ZNF136: variants seen among roughly 807,000 people sequenced by gnomAD.
ZNF136 encodes the protein zinc finger protein 136, also known as zinc finger protein 136 (clone pHZ-20).
ZNF136 carries 8 observed loss-of-function variants against 11.4 expected under a neutral mutation model. The ratio of observed to expected loss-of-function variants is 0.70; its 90% confidence interval spans 0.41 to 1.27. ZNF136 has a LOEUF of 1.27. Among genes scored for constraint, ZNF136 ranks in the 50% most tolerant of loss-of-function variants. ZNF136 has a pLI of 0.01. For missense variants in ZNF136, 590 were observed against 656.5 expected, an observed-to-expected ratio of 0.90 and a Z score of 1.11; for synonymous variants, 190 against 207.1, an observed-to-expected ratio of 0.92 and a Z score of 0.71.
chr19:12,168,622 G>A (rs1459508412), intron 1 of ZNF136, among the ~76,000 whole-genome samples: 1 of 151,990 alleles, frequency 6.6e-6, no homozygotes, highest in Admixed American at 6.6e-5. Flanking sequence ...GGGCCTTCCA[G>A]GGGACCCCCA....
Position 12,186,845 on chromosome 19 carries a change from G to A in ZNF136, c.467G>A (p.Arg156Gln), listed in dbSNP as rs1219761759. ...WKPFSSHHSF[R>Q]THEIIHTGEK... Reference sequence around the variant, plus strand: ...CCCTTCAGTTCTCACCACTCCTTTCGAACACATGAGATAATTCACACTGGA... The same window carrying A: ...CCCTTCAGTTCTCACCACTCCTTTCAAACACATGAGATAATTCACACTGGA... The change falls in exon 4 of 4, where the codon CGA becomes CAA. Residue 156 changes from arginine to glutamine, a missense_variant. By Grantham distance (43) the Arg-to-Gln change is conservative (BLOSUM62 1). Transcript: ENST00000343979. The A allele has an allele frequency of 3.1e-6, 5 of 1,614,032 alleles. No homozygotes were observed. The highest frequency in any genetic ancestry group is 2.5e-6 in the Non-Finnish European group (3 of 1,179,984).
chr19:12,173,050 A>G (rs1358958888), intron 1 of ZNF136, among the ~76,000 whole-genome samples: 1 of 152,098 alleles, frequency 6.6e-6, no homozygotes, highest in Non-Finnish European at 1.5e-5. Context: ...GGAGAGTAGC[A>G]TGTCTTGTAG....
In ZNF136 at chr19:12,189,098, T is replaced by C. The variant is rs1005848338; in HGVS notation, c.*1097T>C. The C allele has an allele frequency of 2.0e-5, 3 of 152,206 alleles. No homozygotes were observed. The highest frequency in any genetic ancestry group is 2.9e-5 in the Non-Finnish European group (2 of 68,028). 9.4% of individuals were successfully genotyped at this position (152,206 alleles called of 1,614,324 possible). A position where few individuals can be genotyped will look rare whatever the true frequency, so the allele number is the denominator to read the frequency against. ...TTGTTTTAGGTCAGTAAATAAAATA[T>C]TTGTCTTTCCATTTTGAAATGTGTT... is the stretch of plus-strand genomic sequence containing the variant. On this transcript the variant is annotated 3_prime_UTR_variant, in exon 4 of 4. Coordinates refer to ENST00000343979, the MANE Select transcript of ZNF136 (RefSeq NM_003437.5).
At chr19:12,184,752 G>C (rs571956694) in intron 1 of ZNF136, 1 of 152,108 alleles carries the variant, frequency 6.6e-6, no homozygotes, top group Non-Finnish European at 1.5e-5. Flanking sequence ...GGGCTCATCA[G>C]GTGGGCACTA....
Position 12,187,537 on chromosome 19 carries a change from A to C in ZNF136, c.1159A>C (p.Thr387Pro). 1 of 1,613,918 alleles carries C rather than the reference A, an allele frequency of 6.2e-7. No individual in the cohort carries two copies. The highest frequency in any genetic ancestry group is 8.5e-7 in the Non-Finnish European group (1 of 1,179,958). Residue 387 changes from threonine (T) to proline (P), a missense_variant, in exon 4 of 4, where the codon ACT becomes CCT. Coordinates refer to ENST00000343979, the MANE Select transcript of ZNF136 (RefSeq NM_003437.5). ...PSMRRHMIKHTGEGPYKCKVC... is the reference protein window; with the variant it reads ...PSMRRHMIKHPGEGPYKCKVC... ...TATGCGAAGACACATGATAAAACATACTGGAGAAGGACCTTATAAATGTAA... is the reference window on the plus strand; with the variant it reads ...TATGCGAAGACACATGATAAAACATCCTGGAGAAGGACCTTATAAATGTAA...
chr19:12,187,751 G>A lies in ZNF136; in HGVS notation c.1373G>A (p.Ser458Asn). The A allele has an allele frequency of 3.7e-6, 6 of 1,613,240 alleles. No individual in the cohort carries two copies. Among genetic ancestry groups the A allele is most frequent in the Non-Finnish European group, 5.1e-6 (6 of 1,179,820 alleles). ...TGTAAGCAATGTGGGAAAGCCTTCA[G>A]TTATCTCAACTCCTTTCGAACACAT... The part of the protein sequence containing the change: ...YECKQCGKAF[S>N]YLNSFRTHEM... Residue 458 changes from serine (S) to asparagine (N), a missense_variant, in exon 4 of 4, where the codon AGT becomes AAT. Transcript: ENST00000343979.
chr19:12,179,382 C>G (rs571473974), intron 1 of ZNF136, among the ~76,000 whole-genome samples: 3 of 150,982 alleles, frequency 2.0e-5, no homozygotes, highest in African/African-American at 7.3e-5. Context: ...ACAGTCTGGG[C>G]TTACTGCAAC....
chr19:12,171,942 T>C (rs1419394145), intron 1 of ZNF136, among the ~76,000 whole-genome samples: 1 of 151,984 alleles, frequency 6.6e-6, no homozygotes, highest in East Asian at 1.9e-4. Context: ...TTTGCTACTT[T>C]TTAAAATTTT....
Position 12,188,064 on chromosome 19 carries a change from T to A in ZNF136, c.*63T>A. 1 of 1,377,666 alleles carries A rather than the reference T, an allele frequency of 7.3e-7. No individual in the cohort carries two copies. Among genetic ancestry groups the A allele is most frequent in the Non-Finnish European group, 9.6e-7 (1 of 1,044,348 alleles). 85.3% of individuals were successfully genotyped at this position (1,377,666 alleles called of 1,614,324 possible). On this transcript the variant is annotated 3_prime_UTR_variant, in exon 4 of 4. Coordinates refer to ENST00000343979, the MANE Select transcript of ZNF136 (RefSeq NM_003437.5). Reference sequence around the variant, plus strand: ...TGAAGAGAAGCCCTATGAATGTAAGTAACGTGGGAAAGCATGAAATTCTGT... The same window carrying A: ...TGAAGAGAAGCCCTATGAATGTAAGAAACGTGGGAAAGCATGAAATTCTGT...
intron 1 of ZNF136, 190 bp from the exon 2 acceptor site, chr19:12,185,595 C>A: frequency 1.6e-6 from 1 of 632,972 alleles, no homozygotes; most frequent in Non-Finnish European, 2.5e-6. Context: ...TCAGACACTG[C>A]TATTGTTCTA....
At chr19:12,177,954 A>C (rs943797365) in intron 1 of ZNF136, among the ~76,000 whole-genome samples, 1 of 152,034 alleles carries the variant, frequency 6.6e-6, no homozygotes, top group Non-Finnish European at 1.5e-5. Context: ...CCAAATATAC[A>C]AAAAATTAGC....
At chr19:12,179,000 A>AAAAG (rs202191242) in intron 1 of ZNF136, among the ~76,000 whole-genome samples, 1 of 152,076 alleles carries the variant, frequency 6.6e-6, no homozygotes, top group Admixed American at 6.6e-5. Context: ...CAAAAGAAAA[A>AAAAG]AAAGAAAGAA....
At chr19:12,169,732 CCGAG>C (rs1204942964) in intron 1 of ZNF136, among the ~76,000 whole-genome samples, 2 of 152,152 alleles carry the variant, frequency 1.3e-5, no homozygotes, top group East Asian at 3.9e-4. Flanking sequence ...CCTCAGCCTA[CCGAG>C]TAGCTGGGAC....
intron 1 of ZNF136, among the ~76,000 whole-genome samples, chr19:12,172,645 CAGTT>C (rs776881233): frequency 2.1e-4 from 32 of 152,266 alleles, no homozygotes; most frequent in African/African-American, 6.5e-4. Context: ...TCAGGTGTGT[CAGTT>C]AGGCAATTAG....
At chr19:12,171,927 G>A (rs938172323) in intron 1 of ZNF136, among the ~76,000 whole-genome samples, 2 of 150,564 alleles carry the variant, frequency 1.3e-5, no homozygotes, top group African/African-American at 2.4e-5. Flanking sequence ...TGTAACTTAT[G>A]AAAGTTTGCT....
At chr19:12,185,582 T>A in intron 1 of ZNF136, 3 of 546,016 alleles carry the variant, frequency 5.5e-6, no homozygotes, top group South Asian at 3.3e-5. Flanking sequence ...CCAAGAAAGA[T>A]GATCAGACAC....
chr19:12,187,166 C>T lies in ZNF136; in HGVS notation c.788C>T (p.Ser263Phe). 6.2e-7 allele frequency: 1 copy of T among 1,613,928 alleles called. No homozygotes were observed. Among genetic ancestry groups the T allele is most frequent in the African/African-American group, 1.3e-5 (1 of 74,950 alleles). The change falls in exon 4 of 4, where the codon TCT (serine) becomes TTT (phenylalanine). Residue 263 changes from serine to phenylalanine, a missense_variant. By Grantham distance (155) the Ser-to-Phe change is radical (BLOSUM62 -2). Transcript: ENST00000343979. The part of the protein sequence containing the change: ...KCKVCGKPFH[S>F]LSSFQVHERI... ...AAGGTATGTGGGAAACCCTTTCATTCTCTGAGTTCATTTCAAGTGCATGAA... is the reference window on the plus strand; with the variant it reads ...AAGGTATGTGGGAAACCCTTTCATTTTCTGAGTTCATTTCAAGTGCATGAA...
Position 12,187,886 on chromosome 19 carries a change from C to G in ZNF136, c.1508C>G (p.Pro503Arg), listed in dbSNP as rs144384567. 1.9e-5 allele frequency: 31 copies of G among 1,599,898 alleles called. No individual in the cohort carries two copies. In the African/African-American group the frequency reaches 3.8e-4, roughly 20 times the overall value. ...GAAAGGACTCACACTGGACAGAAAC[C>G]CTATCATTGCAAGGAATGTGGGAAA... ...LHERTHTGQK[P>R]YHCKECGKAY... The change falls in exon 4 of 4, where the codon CCC becomes CGC. Residue 503 changes from proline to arginine, a missense_variant. Transcript: ENST00000343979.
chr19:12,172,965 T>C (rs1914698955), intron 1 of ZNF136, among the ~76,000 whole-genome samples: 2 of 151,996 alleles, frequency 1.3e-5, no homozygotes, highest in South Asian at 4.1e-4. Flanking sequence ...TGAGCCGAGA[T>C]TGCGTCACTG....
Sources: allele counts gnomAD v4.1 joint callset (sites outside exome capture counted in the v4.1 genomes callset), GRCh38; gene constraint gnomAD v4.1.1; transcripts MANE v1.5; gene names NCBI Gene and HGNC (gene_info 2026-07-23, HGNC 2026-07-21).